Variants in PSD3 observed in about 807,000 individuals in gnomAD.
The protein encoded by PSD3 is pleckstrin and Sec7 domain containing 3.
Under a neutral mutation model 105.5 loss-of-function variants are expected in PSD3, and 49 were observed. The ratio of observed to expected loss-of-function variants is 0.46; its 90% CI spans 0.37 to 0.59. The LOEUF is 0.59. Ranked by LOEUF, PSD3 falls within the 20% of genes least tolerant of loss-of-function variation. The probability of loss-of-function intolerance (pLI) is 0.00; values close to 1 mark genes in which losing one functional copy is unlikely to be tolerated. For missense variants in PSD3, 1,561 were observed against 1,263.8 expected, an observed-to-expected ratio of 1.24 and a Z score of -3.57; for synonymous variants, 557 against 457.8, an observed-to-expected ratio of 1.22 and a Z score of -2.77.
At chr8:18,704,891 C>T (rs62495798) in intron 9 of PSD3, among the ~76,000 whole-genome samples, 4,129 of 151,796 alleles carry the variant, frequency 0.027, 111 homozygotes, top group African/African-American at 0.071. Flanking sequence ...TGGAGATCAA[C>T]TAAGAAAAAG....
chr8:18,969,371 T>C (rs1824491738), intron 1 of PSD3, among the ~76,000 whole-genome samples: 11 of 152,230 alleles, frequency 7.2e-5, no homozygotes, highest in Admixed American at 7.2e-4. Context: ...ATAAAATGAC[T>C]ATAACATTAG....
intron 9 of PSD3, among the ~76,000 whole-genome samples, chr8:18,678,202 C>G (rs1331011801): frequency 6.6e-6 from 1 of 152,082 alleles, no homozygotes; most frequent in Non-Finnish European, 1.5e-5. Flanking sequence ...CACCACCTCC[C>G]TAATTCCTTC....
intron 9 of PSD3, among the ~76,000 whole-genome samples, chr8:18,743,456 T>C (rs1017650689): frequency 2.6e-4 from 39 of 152,252 alleles, no homozygotes; most frequent in African/African-American, 8.9e-4. Context: ...TTTGTTACAA[T>C]AGATAATGAG....
intron 1 of PSD3, among the ~76,000 whole-genome samples, chr8:18,954,328 T>C (rs1180150122): frequency 2.6e-5 from 4 of 152,178 alleles, no homozygotes; most frequent in Admixed American, 6.5e-5. Flanking sequence ...TGCTTTAAAT[T>C]TCTATGAGAA....
intron 11 of PSD3, among the ~76,000 whole-genome samples, chr8:18,613,313 TG>T (rs1307445764): frequency 6.6e-6 from 1 of 151,752 alleles, no homozygotes; most frequent in Non-Finnish European, 1.5e-5. Context: ...GAGGAGGGGG[TG>T]GGGCCTTGGG....
At chr8:18,748,312 G>T (rs1255310904) in intron 9 of PSD3, among the ~76,000 whole-genome samples, 1 of 152,108 alleles carries the variant, frequency 6.6e-6, no homozygotes, top group Non-Finnish European at 1.5e-5. Flanking sequence ...TCTTTTTAAA[G>T]CTTATAAATA....
At chr8:18,986,785 C>A (rs1825516222) in intron 1 of PSD3, among the ~76,000 whole-genome samples, 1 of 152,070 alleles carries the variant, frequency 6.6e-6, no homozygotes, top group East Asian at 1.9e-4. Context: ...TAAGGGAAGA[C>A]CAAGATGAGG....
chr8:18,704,279 G>A (rs1446699945), intron 9 of PSD3, among the ~76,000 whole-genome samples: 1 of 152,130 alleles, frequency 6.6e-6, no homozygotes, highest in Non-Finnish European at 1.5e-5. Context: ...TTTACTAGAG[G>A]ACCAGTTCTA....
chr8:18,854,918 C>T (rs1586232981), intron 4 of PSD3, among the ~76,000 whole-genome samples: 2 of 152,150 alleles, frequency 1.3e-5, no homozygotes, highest in African/African-American at 4.8e-5. Flanking sequence ...GCTTCAGACA[C>T]GTAAGTGGCC....
chr8:18,753,258 G>T (rs1805752337), intron 9 of PSD3, among the ~76,000 whole-genome samples: 1 of 151,852 alleles, frequency 6.6e-6, no homozygotes, highest in Non-Finnish European at 1.5e-5. Context: ...GGAGGTTAAG[G>T]CAGGAGAATC....
chr8:18,700,738 T>C (rs1417844981), intron 9 of PSD3, among the ~76,000 whole-genome samples: 1 of 152,082 alleles, frequency 6.6e-6, no homozygotes, highest in African/African-American at 2.4e-5. Flanking sequence ...TTCCTTTGGT[T>C]TTTTCTTTCT....
In PSD3 at chr8:18,535,465, A is replaced by T. The variant is rs1242727498; in HGVS notation, c.*278T>A. ...AGCAGACTGCAAACAAGAGAAAACC[A>T]AAAGAGAAGGGATACATAATTCATT... is the stretch of plus-strand genomic sequence containing the variant. On this transcript the variant is annotated 3_prime_UTR_variant, in exon 16 of 16. Coordinates refer to ENST00000327040, the MANE Select transcript of PSD3 (RefSeq NM_015310.4). The T allele has an allele frequency of 2.4e-6, 1 of 418,200 alleles. No individual in the cohort carries two copies. Among genetic ancestry groups the T allele is most frequent in the Non-Finnish European group, 4.3e-6 (1 of 231,750 alleles). The allele number at this position is 418,200 out of a possible 1,614,324, so 25.9% of individuals were successfully genotyped here. A position where few individuals can be genotyped will look rare whatever the true frequency, so the allele number is the denominator to read the frequency against.
intron 11 of PSD3, among the ~76,000 whole-genome samples, chr8:18,625,118 C>A (rs539968173): frequency 6.6e-6 from 1 of 151,764 alleles, no homozygotes; most frequent in East Asian, 1.9e-4. Flanking sequence ...AATCTTAGAA[C>A]CTTGTTTCTC....
intron 15 of PSD3, among the ~76,000 whole-genome samples, chr8:18,552,318 T>C (rs1424156377): frequency 6.6e-6 from 1 of 152,228 alleles, no homozygotes; most frequent in Non-Finnish European, 1.5e-5. Context: ...TGTAATCATC[T>C]TAAACGTTGC....
At chr8:19,078,896 C>G (rs1215639339) in intron 1 of PSD3, among the ~76,000 whole-genome samples, 1 of 151,356 alleles carries the variant, frequency 6.6e-6, no homozygotes, top group South Asian at 2.1e-4. Flanking sequence ...AATGGGCAAG[C>G]AGAAGATAGC....
rs1473186606 is a variant in PSD3, at chr8:18,529,667, C to T, written c.*6076G>A. 2.0e-5 allele frequency: 3 copies of T among 152,594 alleles called. No individual in the cohort carries two copies. The highest frequency in any genetic ancestry group is 2.9e-5 in the Non-Finnish European group (2 of 68,026). The allele number at this position is 152,594 out of a possible 1,614,324, so 9.5% of individuals were successfully genotyped here. On this transcript the variant is annotated 3_prime_UTR_variant, in exon 16 of 16. Transcript: ENST00000327040. ...AAAAATCAATGTGCATATATATACT[C>T]TCTCTAGAGTAGATATTATTATCCA...
At chr8:18,755,487 A>ATAACATAAC (rs1396646575) in intron 9 of PSD3, among the ~76,000 whole-genome samples, 12 of 80,818 alleles carry the variant, frequency 1.5e-4, no homozygotes, top group South Asian at 4.0e-4. Flanking sequence ...CATAACATAA[A>ATAACATAAC]AATGCTCCAA....
chr8:18,915,460 T>C (rs1820522338), intron 2 of PSD3, among the ~76,000 whole-genome samples: 1 of 152,186 alleles, frequency 6.6e-6, no homozygotes, highest in South Asian at 2.1e-4. Context: ...AAGCAGTTAA[T>C]ATCCAAAATA....
intron 6 of PSD3, 61 bp from the exon 7 acceptor site, chr8:18,801,443 T>C (rs1017450093): frequency 1.7e-5 from 15 of 870,314 alleles, no homozygotes; most frequent in South Asian, 1.2e-4. Flanking sequence ...CACTCTTTCA[T>C]AGTTAAAAGT....
Sources: gnomAD v4.1 joint callset for allele counts (sites outside exome capture counted in the v4.1 genomes callset) on GRCh38, gnomAD v4.1.1 for gene constraint, MANE v1.5 for transcripts, NCBI Gene and HGNC (gene_info 2026-07-23, HGNC 2026-07-21) for gene names.